The following TEKT1 variants were observed in gnomAD, a reference collection of about 807,000 sequenced individuals.
TEKT1 encodes the protein tektin-1.
Under a neutral mutation model 34.8 loss-of-function variants are expected in TEKT1, and 32 were observed. The ratio of observed to expected loss-of-function variants is 0.92; its 90% CI spans 0.69 to 1.23. The LOEUF is 1.23. TEKT1 is among the 50% of genes most tolerant of loss of function. The pLI, the probability that TEKT1 is intolerant of heterozygous loss-of-function variation, is 0.00. For missense variants in TEKT1, 492 were observed against 518.5 expected (o/e 0.95, Z 0.50); for synonymous variants, 207 against 199.8 (o/e 1.04, Z -0.30).
intron 2 of TEKT1, among the ~76,000 whole-genome samples, chr17:6,821,445 C>G (rs1567681066): frequency 6.6e-6 from 1 of 152,190 alleles, no homozygotes; most frequent in Non-Finnish European, 1.5e-5. Context: ...TATAAGTTTC[C>G]TGAGGTCTCC....
intron 6 of TEKT1, among the ~76,000 whole-genome samples, chr17:6,804,723 T>C (rs1456158549): frequency 1.3e-5 from 2 of 152,242 alleles, no homozygotes; most frequent in African/African-American, 2.4e-5. Flanking sequence ...GATAATCATA[T>C]GGTTTTTGTC....
At chr17:6,804,954 G>A (rs965801924) in intron 6 of TEKT1, among the ~76,000 whole-genome samples, 1 of 152,132 alleles carries the variant, frequency 6.6e-6, no homozygotes, top group East Asian at 1.9e-4. Flanking sequence ...CCTGGCTTTG[G>A]TATCAGGATG....
At chr17:6,824,171 T>C (rs1038603557) in intron 2 of TEKT1, among the ~76,000 whole-genome samples, 6 of 152,164 alleles carry the variant, frequency 3.9e-5, no homozygotes, top group Admixed American at 6.6e-5. Context: ...TGTTTATTCT[T>C]CCACCTGAAC....
chr17:6,819,185 G>T lies in TEKT1; in HGVS notation c.356+8C>A. 1.9e-6 allele frequency: 3 copies of T among 1,609,666 alleles called. No homozygotes were observed. In the South Asian group the frequency reaches 3.3e-5, roughly 18 times the overall value. On this transcript the variant is annotated splice_region_variant and intron_variant, in intron 3 of 7. Coordinates refer to ENST00000338694, the MANE Select transcript of TEKT1 (RefSeq NM_053285.2). ...CACATGAATCATTTGAGGGACCTTC[G>T]CTCCTACCTGTATGCCAGGCATGTC...
chr17:6,802,455 A>T (rs187968086), intron 6 of TEKT1, among the ~76,000 whole-genome samples: 1,589 of 151,180 alleles, frequency 0.011, 20 homozygotes, highest in African/African-American at 0.036. Context: ...AATTTTATTT[A>T]TTTATTTTTT....
intron 3 of TEKT1, among the ~76,000 whole-genome samples, chr17:6,816,388 C>T (rs1977009109): frequency 6.6e-6 from 1 of 152,148 alleles, no homozygotes; most frequent in Non-Finnish European, 1.5e-5. Context: ...CCCAGCCCCC[C>T]ACACCCTGAC....
chr17:6,831,061 A>G (rs910250198), intron 1 of TEKT1, among the ~76,000 whole-genome samples: 2 of 151,860 alleles, frequency 1.3e-5, no homozygotes, highest in African/African-American at 4.8e-5. Flanking sequence ...AGGAAATGTA[A>G]CATGTGTAAA....
At chr17:6,825,614 G>A (rs934352001) in intron 2 of TEKT1, among the ~76,000 whole-genome samples, 1 of 152,174 alleles carries the variant, frequency 6.6e-6, no homozygotes, top group African/African-American at 2.4e-5. Flanking sequence ...CATCCCAGGA[G>A]GTCTCTCATG....
intron 2 of TEKT1, 43 bp downstream of exon 2, chr17:6,830,144 T>A: frequency 6.4e-7 from 1 of 1,567,610 alleles, no homozygotes; most frequent in South Asian, 1.2e-5. Flanking sequence ...CTCAACAGCC[T>A]CATCCTAGCA....
intron 6 of TEKT1, among the ~76,000 whole-genome samples, chr17:6,806,359 GTC>G (rs1331343788): frequency 6.6e-6 from 1 of 152,088 alleles, no homozygotes; most frequent in African/African-American, 2.4e-5. Context: ...GCCTATGTGT[GTC>G]TCTGCACATG....
At chr17:6,802,318 T>C (rs1458530690) in intron 6 of TEKT1, among the ~76,000 whole-genome samples, 1 of 152,218 alleles carries the variant, frequency 6.6e-6, no homozygotes, top group Non-Finnish European at 1.5e-5. Flanking sequence ...TTTAAGCTGC[T>C]TTCGACTAAT....
chr17:6,816,043 A>T lies in TEKT1; in HGVS notation c.357-81T>A. 5 of 1,565,794 alleles carry T rather than the reference A, an allele frequency of 3.2e-6. No individual in the cohort carries two copies. In the South Asian group the frequency reaches 4.7e-5, roughly 15 times the overall value. On this transcript the variant is annotated intron_variant, in intron 3 of 7. Transcript: ENST00000338694. ...CATTGGCTAATGGCTGCACACTCAG[A>T]ACTATCTGCACGACTGATTTGAGTG...
At chr17:6,805,816 A>C (rs1976836093) in intron 6 of TEKT1, among the ~76,000 whole-genome samples, 1 of 152,202 alleles carries the variant, frequency 6.6e-6, no homozygotes, top group African/African-American at 2.4e-5. Context: ...GTTTGATTGC[A>C]CTGTGGTCTG....
chr17:6,813,124 G>C, intron 5 of TEKT1, 71 bp from the exon 6 acceptor site: 2 of 1,298,970 alleles, frequency 1.5e-6, no homozygotes, highest in South Asian at 2.6e-5. Flanking sequence ...AGAGGGACGA[G>C]CTACACCTTC....
intron 2 of TEKT1, among the ~76,000 whole-genome samples, chr17:6,828,814 A>T (rs77860652): frequency 0.072 from 10,907 of 151,526 alleles, 507 homozygotes; most frequent in Middle Eastern, 0.15. Flanking sequence ...CTTTTTTTTT[A>T]AATGTGCTTT....
At chr17:6,819,923 C>T (rs1977062286) in intron 2 of TEKT1, among the ~76,000 whole-genome samples, 1 of 152,152 alleles carries the variant, frequency 6.6e-6, no homozygotes, top group African/African-American at 2.4e-5. Context: ...CTCCTGACCT[C>T]GTGATCCGCC....
At chr17:6,830,068 C>T (rs1196353034) in intron 2 of TEKT1, 119 bp downstream of exon 2, 7 of 1,020,270 alleles carry the variant, frequency 6.9e-6, no homozygotes, top group African/African-American at 1.7e-5. Flanking sequence ...CTGGAGAATA[C>T]ACATGATTTT....
At chr17:6,819,836 C>T (rs920263925) in intron 2 of TEKT1, among the ~76,000 whole-genome samples, 3 of 152,134 alleles carry the variant, frequency 2.0e-5, no homozygotes, top group Admixed American at 6.5e-5. Context: ...TACAGGCATC[C>T]GCCACCACAC....
At chr17:6,817,645 CACA>C (rs147832548) in intron 3 of TEKT1, among the ~76,000 whole-genome samples, 19,399 of 152,062 alleles carry the variant, frequency 0.13, 1,433 homozygotes, top group Middle Eastern at 0.22. Context: ...GACCCTGCTA[CACA>C]ACGTTTTGCT....
Sources: allele counts gnomAD v4.1 joint callset (sites outside exome capture counted in the v4.1 genomes callset), GRCh38; gene constraint gnomAD v4.1.1; transcripts MANE v1.5; gene names NCBI Gene and HGNC (gene_info 2026-07-23, HGNC 2026-07-21).